Variants in PHF24 observed in about 807,000 individuals in gnomAD.
PHF24 encodes the protein PHD finger protein 24.
A neutral mutation model predicts 42.6 loss-of-function variants in PHF24; 25 were observed. That is an observed-to-expected ratio of 0.59 (90% confidence interval 0.43 to 0.82). PHF24 has a LOEUF of 0.82. Ranked by LOEUF, PHF24 falls within the 40% of genes least tolerant of loss-of-function variation. The pLI, the probability that PHF24 is intolerant of heterozygous loss-of-function variation, is 0.00. For missense variants in PHF24, 470 were observed against 538.1 expected (o/e 0.87, Z 1.25); for synonymous variants, 185 against 204.8 (o/e 0.90, Z 0.83).
chr9:34,785,882 G>A, the PHF24 span, among the ~76,000 whole-genome samples: 2 of 152,106 alleles, frequency 1.3e-5, no homozygotes, highest in East Asian at 3.8e-4. Flanking sequence ...ATGGCTGCAG[G>A]GGAACATAAT....
chr9:34,833,144 T>A, the PHF24 span: 3 of 1,551,228 alleles, frequency 1.9e-6, no homozygotes, highest in Non-Finnish European at 2.6e-6. Context: ...TGCTTTGGTT[T>A]CCTCTGGGTC....
the PHF24 span, among the ~76,000 whole-genome samples, chr9:34,675,117 T>C: frequency 0.56 from 85,689 of 151,682 alleles, 24,626 homozygotes; most frequent in East Asian, 0.8. Flanking sequence ...CTTGGCCTCC[T>C]GCAGTGCTAG....
the PHF24 span, chr9:34,917,092 C>T: frequency 1.4e-6 from 1 of 720,208 alleles, no homozygotes; most frequent in African/African-American, 1.7e-5. Context: ...GCACAGAGGC[C>T]TCCTCTCCTC....
the PHF24 span, chr9:34,691,238 G>T: frequency 9.9e-7 from 1 of 1,009,564 alleles, no homozygotes; most frequent in Non-Finnish European, 1.5e-6. Context: ...TGGGATGCAG[G>T]GGTGAAATGC....
the PHF24 span, among the ~76,000 whole-genome samples, chr9:34,787,164 A>G: frequency 6.6e-6 from 1 of 152,192 alleles, no homozygotes; most frequent in Non-Finnish European, 1.5e-5. Context: ...GAAGATTTCT[A>G]ATAATGGTAT....
the PHF24 span, among the ~76,000 whole-genome samples, chr9:34,819,124 A>G: frequency 1.3e-5 from 2 of 152,114 alleles, no homozygotes; most frequent in Admixed American, 1.3e-4. Context: ...TAATACCTGT[A>G]GACTGTTTTA....
chr9:34,834,894 G>T, the PHF24 span: 1 of 1,408,752 alleles, frequency 7.1e-7, no homozygotes, highest in Non-Finnish European at 9.5e-7. Context: ...TCATTGAAGA[G>T]AAAAGGATCC....
chr9:34,874,156 C>A, the PHF24 span, among the ~76,000 whole-genome samples: 2 of 152,142 alleles, frequency 1.3e-5, no homozygotes, highest in East Asian at 3.9e-4. Context: ...GACAATTGGA[C>A]TTCCTCTTTT....
the PHF24 span, among the ~76,000 whole-genome samples, chr9:34,895,408 A>G: frequency 1.3e-5 from 2 of 152,214 alleles, no homozygotes; most frequent in African/African-American, 4.8e-5. Flanking sequence ...TCAGCCATCA[A>G]ATGGCCCTAA....
the PHF24 span, chr9:34,665,962 C>T: frequency 2.4e-5 from 12 of 490,838 alleles, no homozygotes; most frequent in African/African-American, 2.2e-4. Flanking sequence ...TGAGGATTTT[C>T]AGGGGCTGGG....
At chr9:34,768,404 A>G in the PHF24 span, among the ~76,000 whole-genome samples, 7 of 152,188 alleles carry the variant, frequency 4.6e-5, no homozygotes, top group African/African-American at 1.2e-4. Context: ...TGTAACTAGC[A>G]TGGTAGTTGA....
At chr9:34,715,267 G>C in the PHF24 span, among the ~76,000 whole-genome samples, 1 of 152,052 alleles carries the variant, frequency 6.6e-6, no homozygotes. Context: ...GTGGTGAGAG[G>C]GAGGCACTGA....
the PHF24 span, among the ~76,000 whole-genome samples, chr9:34,823,869 A>G: frequency 1.3e-5 from 2 of 152,144 alleles, no homozygotes; most frequent in African/African-American, 4.8e-5. Flanking sequence ...CTAACACTCT[A>G]TCACCAGACT....
At chr9:34,917,235 C>T in the PHF24 span, 119 of 1,329,918 alleles carry the variant, frequency 8.9e-5, no homozygotes, top group African/African-American at 1.5e-3. Context: ...CATATCCCTG[C>T]CTCAGGGTGA....
chr9:34,727,639 G>GTATA, the PHF24 span, among the ~76,000 whole-genome samples: 1 of 152,174 alleles, frequency 6.6e-6, no homozygotes, highest in Non-Finnish European at 1.5e-5. Context: ...CCTTGAAAGG[G>GTATA]TATAGCTTTA....
chr9:34,811,986 A>G, the PHF24 span, among the ~76,000 whole-genome samples: 2 of 152,240 alleles, frequency 1.3e-5, no homozygotes, highest in African/African-American at 4.8e-5. Context: ...AATGATGTGA[A>G]TAGACATTTC....
upstream of PHF24, among the ~76,000 whole-genome samples, chr9:34,955,600 C>CT (rs1375389991): frequency 6.6e-6 from 1 of 152,210 alleles, no homozygotes; most frequent in Non-Finnish European, 1.5e-5. Flanking sequence ...TCGCTTGAAC[C>CT]TGGGAGGCGG....
upstream of PHF24, among the ~76,000 whole-genome samples, chr9:34,956,713 G>A (rs1826382911): frequency 1.3e-5 from 2 of 152,352 alleles, no homozygotes; most frequent in Admixed American, 1.3e-4. Flanking sequence ...TCGGTATGAT[G>A]TAATTCTAAA....
At chr9:34,863,705 A>C in the PHF24 span, among the ~76,000 whole-genome samples, 4 of 152,238 alleles carry the variant, frequency 2.6e-5, no homozygotes, top group Admixed American at 6.5e-5. Flanking sequence ...CAGAGACTAC[A>C]ATAAATACCT....
Sources: gnomAD v4.1 joint callset for allele counts (sites outside exome capture counted in the v4.1 genomes callset) on GRCh38, gnomAD v4.1.1 for gene constraint, MANE v1.5 for transcripts, NCBI Gene and HGNC (gene_info 2026-07-23, HGNC 2026-07-21) for gene names.